The following TM2D3 variants were observed in gnomAD, a reference collection of about 807,000 sequenced individuals.
The protein encoded by TM2D3 is TM2 domain containing 3.
TM2D3 carries 33 observed loss-of-function variants against 27.3 expected under a neutral mutation model. The ratio of observed to expected loss-of-function variants is 1.21; its 90% confidence interval spans 0.92 to 1.61. TM2D3 has a LOEUF of 1.61. Among genes scored for constraint, TM2D3 ranks in the 40% most tolerant of loss-of-function variants. TM2D3 has a pLI of 0.00. For synonymous variants in TM2D3, 138 were observed against 122.2 expected (o/e 1.13, Z -0.85); for missense variants, 364 against 320.8 (o/e 1.13, Z -1.03).
chr15:101,637,380 C>T (rs1896573324), downstream of TM2D3, among the ~76,000 whole-genome samples: 1 of 152,112 alleles, frequency 6.6e-6, no homozygotes, highest in African/African-American at 2.4e-5. Context: ...GGGAAAAGAC[C>T]TGAAAGGGAA....
chr15:101,652,167 T>G, intron 1 of TM2D3, 104 bp downstream of exon 1: 1 of 1,113,264 alleles, frequency 9.0e-7, no homozygotes, highest in Non-Finnish European at 1.3e-6. Context: ...GCACTCGGCC[T>G]CCTCCCCGCG....
chr15:101,636,179 T>C (rs1247124094), intron 4 of TM2D3: 1 of 152,202 alleles, frequency 6.6e-6, no homozygotes, highest in African/African-American at 2.4e-5. Context: ...AGTGGGACAT[T>C]TGGGTTGTTT....
At chr15:101,633,959 C>G in intron 4 of TM2D3, 1 of 429,886 alleles carries the variant, frequency 2.3e-6, no homozygotes, top group African/African-American at 2.0e-5. Context: ...TGAGCAATTA[C>G]TAACACTCTT....
chr15:101,633,918 T>C (rs1312889544), intron 4 of TM2D3: 2 of 450,600 alleles, frequency 4.4e-6, no homozygotes, highest in Non-Finnish European at 7.8e-6. Context: ...CTGACAAGAA[T>C]TTTAAAGCAA....
intron 3 of TM2D3, among the ~76,000 whole-genome samples, chr15:101,647,246 G>A (rs1311084796): frequency 6.6e-6 from 1 of 152,156 alleles, no homozygotes; most frequent in Non-Finnish European, 1.5e-5. Flanking sequence ...ATGCAGAAAA[G>A]AGGAAAATTT....
rs1163213250 is a variant in TM2D3 at position 101,642,555 on chromosome 15, C to T, written c.668G>A (p.Gly223Glu). The change falls in exon 6 of 6, where the codon GGA becomes GAA. Residue 223 changes from glycine (G) to glutamate (E), a missense_variant. Gly to Glu is a moderately conservative substitution (Grantham distance 98, BLOSUM62 -2). Transcript: ENST00000333202. ...CAGGACGTCTATCAGCGTCCATATT[C>T]CCAGGCCACCGAAGCTGAAGAGCTT... ...LGKLFSFGGL[G>E]IWTLIDVLLI... 3 of 1,613,372 alleles carry T rather than the reference C, an allele frequency of 1.9e-6. No individual in the cohort carries two copies. Among genetic ancestry groups the T allele is most frequent in the Non-Finnish European group, 2.5e-6 (3 of 1,179,862 alleles).
At chr15:101,644,646 C>T (rs978470414) in intron 5 of TM2D3, among the ~76,000 whole-genome samples, 3 of 152,198 alleles carry the variant, frequency 2.0e-5, no homozygotes, top group Non-Finnish European at 4.4e-5. Context: ...ACAAACAGCA[C>T]ATTTCTATGT....
Position 101,652,142 on chromosome 15 carries a change from G to A in TM2D3, c.91+129C>T, listed in dbSNP as rs1028623175. 7.8e-6 allele frequency: 7 copies of A among 892,912 alleles called. No individual in the cohort carries two copies. The Middle Eastern group carries it at 1.0e-3, about 128-fold the overall frequency. The allele number at this position is 892,912 out of a possible 1,614,324, so 55.3% of individuals were successfully genotyped here. ...CGCCAGACTCCAGATGCAGCGACAA[G>A]CGGCCCGGAGCCCGGCACTCGGCCT... On this transcript the variant is annotated intron_variant, in intron 1 of 5. Transcript: ENST00000333202.
chr15:101,652,005 C>G (rs1896992067), intron 1 of TM2D3: 1 of 586,434 alleles, frequency 1.7e-6, no homozygotes, highest in Admixed American at 3.3e-5. Flanking sequence ...TCCAGTTCCG[C>G]CTCCCCGGCC....
chr15:101,634,561 A>G (rs994656363), intron 4 of TM2D3: 1 of 152,234 alleles, frequency 6.6e-6, no homozygotes, highest in Non-Finnish European at 1.5e-5. Context: ...GCAAAGATAG[A>G]AAAATGCTGA....
At position 101,642,351 on chromosome 15, in the gene TM2D3, T is replaced by TA. The variant is rs766781395; in HGVS notation, c.*127dup. ...TTCAGCGTTTCATTTATCTTACCTT[T>TA]ATCAAGGCAAACAAAGTACAGATGC... On this transcript the variant is annotated 3_prime_UTR_variant, in exon 6 of 6. Transcript: ENST00000333202. The TA allele has an allele frequency of 9.6e-6, 13 of 1,351,066 alleles. No homozygotes were observed. Among genetic ancestry groups the TA allele is most frequent in the Non-Finnish European group, 1.2e-5 (13 of 1,047,682 alleles). 83.7% of individuals were successfully genotyped at this position (1,351,066 alleles called of 1,614,324 possible).
At chr15:101,651,593 A>G in intron 2 of TM2D3, 103 bp downstream of exon 2, 1 of 1,171,090 alleles carries the variant, frequency 8.5e-7, no homozygotes, top group Non-Finnish European at 1.2e-6. Context: ...AAATATTCAA[A>G]AATGGAAAGT....
rs1366911501 is a variant in TM2D3 at position 101,642,661 on chromosome 15, A to T, written c.579-17T>A. ...AGGGTGATGCTGCGATGGCAAACAG[A>T]CAGGATTCCATGAGACCACCTCCAC... On this transcript the variant is annotated splice_polypyrimidine_tract_variant and intron_variant, in intron 5 of 5. Transcript: ENST00000333202. 6.3e-7 allele frequency: 1 copy of T among 1,581,358 alleles called. No homozygotes were observed. Among genetic ancestry groups the T allele is most frequent in the Non-Finnish European group, 8.6e-7 (1 of 1,161,432 alleles).
chr15:101,638,707 T>C (rs1596259850), downstream of TM2D3, among the ~76,000 whole-genome samples: 1 of 152,194 alleles, frequency 6.6e-6, no homozygotes, highest in Admixed American at 6.6e-5. Context: ...TTTTGACGTT[T>C]TTGGCATTTG....
At chr15:101,638,854 T>C (rs1281799982), downstream of TM2D3, among the ~76,000 whole-genome samples, 2 of 152,172 alleles carry the variant, frequency 1.3e-5, no homozygotes, top group African/African-American at 4.8e-5. Context: ...CCAGCTGCAC[T>C]CTACCACTTT....
At chr15:101,638,276 C>T (rs569562829), downstream of TM2D3, among the ~76,000 whole-genome samples, 1 of 151,974 alleles carries the variant, frequency 6.6e-6, no homozygotes, top group African/African-American at 2.4e-5. Flanking sequence ...CCTGTTTTTC[C>T]TCACCAGTGA....
At chr15:101,636,967 C>CA (rs1325996704), downstream of TM2D3, 1 of 405,124 alleles carries the variant, frequency 2.5e-6, no homozygotes, top group African/African-American at 2.1e-5. Context: ...TATTCCGAAC[C>CA]AAATATGAGT....
chr15:101,646,311 TA>T (rs1377506938), intron 4 of TM2D3: 1 of 161,062 alleles, frequency 6.2e-6, no homozygotes, highest in Non-Finnish European at 1.4e-5. Context: ...ATATAGACAA[TA>T]AAACTACAGA....
chr15:101,652,324 G>A lies in TM2D3; in HGVS notation c.38C>T (p.Ala13Val), dbSNP rs374360447. The part of the protein sequence containing the change: ...GGVLPLRGLR[A>V]LCRVLLFLSQ... The stretch of plus-strand genomic sequence containing the variant: ...GAGGAAGAGCAGCACGCGACACAAG[G>A]CGCGGAGGCCCCTCAGCGGGAGCAC... Residue 13 changes from alanine (A) to valine (V), a missense_variant, in exon 1 of 6, where the codon GCC becomes GTC. Transcript: ENST00000333202. 2 of 1,602,334 alleles carry A rather than the reference G, an allele frequency of 1.2e-6. No homozygotes were observed. The highest frequency in any genetic ancestry group is 1.7e-6 in the Non-Finnish European group (2 of 1,175,172).
Sources: gnomAD v4.1 joint callset for allele counts (sites outside exome capture counted in the v4.1 genomes callset) on GRCh38, gnomAD v4.1.1 for gene constraint, MANE v1.5 for transcripts, NCBI Gene and HGNC (gene_info 2026-07-23, HGNC 2026-07-21) for gene names.